The following ACER2 variants were observed in gnomAD, a reference collection of about 807,000 sequenced individuals.
ACER2 encodes alkCDase 2.
Under a neutral mutation model 34.7 loss-of-function variants are expected in ACER2, and 26 were observed. The observed-to-expected ratio is 0.75, with a 90% CI of 0.55 to 1.04. The LOEUF (loss-of-function observed/expected upper bound fraction) is 1.04. Ranked by LOEUF, ACER2 falls within the 50% of genes least tolerant of loss-of-function variation. ACER2 has a pLI of 0.00. For missense variants in ACER2, 352 were observed against 340.8 expected, an observed-to-expected ratio of 1.03 and a Z score of -0.26; for synonymous variants, 138 against 132.1, an observed-to-expected ratio of 1.04 and a Z score of -0.31.
chr9:19,442,429 G>T lies in ACER2; in HGVS notation c.504-3852G>T, dbSNP rs553746975. Among the ~76,000 whole-genome samples the T allele has an allele frequency of 1.8e-3, 271 of 152,330 alleles. 13 individuals carry two copies. In the South Asian group the frequency reaches 0.053, roughly 30 times the overall value. The stretch of plus-strand genomic sequence containing the variant: ...TGGACAAGCCCCGAGTGCAAATAAG[G>T]CTGGTCAGCAGCTTCTAGCAGGATC... On this transcript the variant is annotated intron_variant, in intron 4 of 5. Transcript: ENST00000340967.
At chr9:19,439,257 G>A (rs776313646) in intron 4 of ACER2, among the ~76,000 whole-genome samples, 4 of 151,606 alleles carry the variant, frequency 2.6e-5, no homozygotes, top group East Asian at 1.9e-4. Context: ...GGTCTTCTAC[G>A]AATTGATTAT....
Position 19,444,768 on chromosome 9 carries a change from G to A in ACER2, c.504-1513G>A, listed in dbSNP as rs201995987. Among the ~76,000 whole-genome samples the A allele has an allele frequency of 5.3e-5, 8 of 152,160 alleles. No homozygotes were observed. In the East Asian group the frequency reaches 1.3e-3, roughly 26 times the overall value. On this transcript the variant is annotated intron_variant, in intron 4 of 5. Coordinates refer to ENST00000340967, the MANE Select transcript of ACER2 (RefSeq NM_001010887.3). The stretch of plus-strand genomic sequence containing the variant: ...AGGCGAGGCATTCAAGGTAGAGAGT[G>A]GTAATCGAAAGCGAGAAATGGAAAT...
chr9:19,443,360 G>T (rs1037053654), intron 4 of ACER2, among the ~76,000 whole-genome samples: 1 of 152,030 alleles, frequency 6.6e-6, no homozygotes, highest in Non-Finnish European at 1.5e-5. Flanking sequence ...TAGATACGGG[G>T]TTTCACCCTG....
intron 3 of ACER2, among the ~76,000 whole-genome samples, chr9:19,432,132 A>T (rs1830774195): frequency 6.6e-6 from 1 of 152,196 alleles, no homozygotes; most frequent in South Asian, 2.1e-4. Context: ...AATGACCTCC[A>T]CTGAGGGGTG....
intron 4 of ACER2, among the ~76,000 whole-genome samples, chr9:19,444,766 G>T (rs1021233199): frequency 6.6e-6 from 1 of 152,208 alleles, no homozygotes; most frequent in Admixed American, 6.5e-5. Flanking sequence ...AAGGTAGAGA[G>T]TGGTAATCGA....
At chr9:19,440,665 A>G (rs1042380724) in intron 4 of ACER2, among the ~76,000 whole-genome samples, 5 of 152,216 alleles carry the variant, frequency 3.3e-5, no homozygotes, top group African/African-American at 1.2e-4. Context: ...ATGTTTTGTT[A>G]TAACAGCCTG....
At chr9:19,420,676 T>C (rs1366687918) in intron 1 of ACER2, among the ~76,000 whole-genome samples, 3 of 152,322 alleles carry the variant, frequency 2.0e-5, no homozygotes, top group Admixed American at 6.5e-5. Context: ...TTCATGCTGC[T>C]ATAACAAAAG....
chr9:19,424,518 CT>C lies in ACER2; in HGVS notation c.224-179del, dbSNP rs1261913156. The C allele has an allele frequency of 3.0e-6, 3 of 985,150 alleles. No homozygotes were observed. In the African/African-American group the frequency reaches 5.3e-5, roughly 17 times the overall value. The allele number at this position is 985,150 out of a possible 1,614,324, so 61.0% of individuals were successfully genotyped here. ...ATATTTGGGCCCTAGTTGAAATCTT[CT>C]TTCTAGACTGGAGGCATGCATGCTT... On this transcript the variant is annotated intron_variant, in intron 2 of 5. Coordinates refer to ENST00000340967, the MANE Select transcript of ACER2 (RefSeq NM_001010887.3).
intron 1 of ACER2, among the ~76,000 whole-genome samples, chr9:19,421,351 G>C (rs1010771521): frequency 6.6e-6 from 1 of 152,284 alleles, no homozygotes; most frequent in African/African-American, 2.4e-5. Flanking sequence ...AACAATTAAT[G>C]TATGAATAGA....
chr9:19,449,354 C>T (rs1480122874), intron 5 of ACER2, among the ~76,000 whole-genome samples: 1 of 152,174 alleles, frequency 6.6e-6, no homozygotes, highest in Non-Finnish European at 1.5e-5. Flanking sequence ...CCCACCCTGA[C>T]CCTGATTAAT....
intron 4 of ACER2, among the ~76,000 whole-genome samples, chr9:19,435,634 C>A (rs1472363636): frequency 6.6e-6 from 1 of 152,080 alleles, no homozygotes; most frequent in Non-Finnish European, 1.5e-5. Flanking sequence ...CACCTGTAAT[C>A]CCAGCTACTC....
chr9:19,430,127 C>CT (rs200132166), intron 3 of ACER2, among the ~76,000 whole-genome samples: 1,502 of 144,234 alleles, frequency 0.01, 28 homozygotes, highest in African/African-American at 0.035. Context: ...CCCTGTGTCC[C>CT]TTTTTACTGT....
At chr9:19,447,976 AAT>A (rs1491140987) in intron 5 of ACER2, among the ~76,000 whole-genome samples, 6 of 116,034 alleles carry the variant, frequency 5.2e-5, no homozygotes, top group Non-Finnish European at 1.3e-4. Flanking sequence ...TTTTAAAAAA[AAT>A]AGCATCATTC....
In ACER2 at chr9:19,409,115, C is replaced by T. The variant is rs760980206; in HGVS notation, c.31C>T (p.Gln11Ter). 1.2e-6 allele frequency: 2 copies of T among 1,603,854 alleles called. No individual in the cohort carries two copies. Among genetic ancestry groups the T allele is most frequent in the Non-Finnish European group, 1.7e-6 (2 of 1,175,896 alleles). The change falls in exon 1 of 6, where the codon CAG (glutamine) becomes TAG (stop). Residue 11 changes from glutamine (Q) to a stop codon, truncating the protein, a stop_gained. Coordinates refer to ENST00000340967, the MANE Select transcript of ACER2 (RefSeq NM_001010887.3). LOFTEE classifies it high-confidence loss of function. Reference sequence around the variant, plus strand: ...CGCCCCGCACTGGTGGGACCAGCTGCAGGCTGGTAGCTCGGAGGTGGACTG... The same window carrying T: ...CGCCCCGCACTGGTGGGACCAGCTGTAGGCTGGTAGCTCGGAGGTGGACTG... MGAPHWWDQL[Q>*]AGSSEVDWCE...
At position 19,414,305 on chromosome 9, in the gene ACER2, C is replaced by G. The variant is rs547943806; in HGVS notation, c.108+5113C>G. On this transcript the variant is annotated intron_variant, in intron 1 of 5. Coordinates refer to ENST00000340967, the MANE Select transcript of ACER2 (RefSeq NM_001010887.3). ...ACTCAGCCAGGGTAAAAGTCCTCAG[C>G]TGTTTATGAACCTGCTGTCCAGAAT... Among the ~76,000 whole-genome samples the G allele has an allele frequency of 4.1e-4, 63 of 152,276 alleles. No individual in the cohort carries two copies. The South Asian group carries it at 0.012, about 29-fold the overall frequency.
At chr9:19,434,001 T>C (rs1830855691) in intron 3 of ACER2, among the ~76,000 whole-genome samples, 2 of 145,652 alleles carry the variant, frequency 1.4e-5, no homozygotes, top group Non-Finnish European at 3.0e-5. Context: ...GCGGAGACGC[T>C]CCTCACTTCT....
chr9:19,450,354 A>C (rs1831521954), intron 5 of ACER2, 96 bp from the exon 6 acceptor site: 1 of 1,394,286 alleles, frequency 7.2e-7, no homozygotes, highest in Admixed American at 2.2e-5. Context: ...ACAGTCAGCA[A>C]GGTGCGTGGG....
Position 19,449,890 on chromosome 9 carries a change from T to TA in ACER2, c.642-539dup, listed in dbSNP as rs543959118. Among the ~76,000 whole-genome samples, 808 of 131,344 alleles carry TA rather than the reference T, an allele frequency of 6.2e-3. 3 individuals carry two copies. Among genetic ancestry groups the TA allele is most frequent in the Non-Finnish European group, 9.0e-3 (561 of 62,434 alleles). The allele number at this position is 131,344 out of a possible 152,430, so 86.2% of individuals were successfully genotyped here. ...CTGGATGACAGGGTGAGACTTCATTTAAAAAAAAAAAAAAAAAAAAAGGAT... is the reference window on the plus strand; with the variant it reads ...CTGGATGACAGGGTGAGACTTCATTTAAAAAAAAAAAAAAAAAAAAAAGGAT... On this transcript the variant is annotated intron_variant, in intron 5 of 5. Transcript: ENST00000340967.
chr9:19,446,022 G>T (rs756056810), intron 4 of ACER2, among the ~76,000 whole-genome samples: 7 of 152,178 alleles, frequency 4.6e-5, no homozygotes, highest in Non-Finnish European at 1.0e-4. Flanking sequence ...ATATTAGGGT[G>T]CTCGTGTCAA....
Sources: gnomAD v4.1 joint callset for allele counts (sites outside exome capture counted in the v4.1 genomes callset) on GRCh38, gnomAD v4.1.1 for gene constraint, MANE v1.5 for transcripts, NCBI Gene and HGNC (gene_info 2026-07-23, HGNC 2026-07-21) for gene names.